Variants in TNR observed in about 807,000 individuals in gnomAD.
TNR encodes tenascin-R.
Under a neutral mutation model 150.4 loss-of-function variants are expected in TNR, and 45 were observed. The ratio of observed to expected loss-of-function variants is 0.30; its 90% CI spans 0.24 to 0.38. The LOEUF is 0.38. TNR is among the 10% of genes least tolerant of loss of function. TNR has a pLI of 1.00. For synonymous variants in TNR, 687 were observed against 678.4 expected, an observed-to-expected ratio of 1.01 and a Z score of -0.20; for missense variants, 1,544 against 1,759.1, an observed-to-expected ratio of 0.88 and a Z score of 2.19.
chr1:175,582,444 C>A (rs1036610760), intron 1 of TNR, among the ~76,000 whole-genome samples: 2 of 152,182 alleles, frequency 1.3e-5, no homozygotes, highest in African/African-American at 4.8e-5. Flanking sequence ...GACAGTTGCA[C>A]CATCACACAG....
rs549853878 is a variant in TNR at position 175,643,983 on chromosome 1, C to A, written c.-165+99243G>T. 2.0e-5 allele frequency among the ~76,000 whole-genome samples: 3 copies of A among 152,294 alleles called. No homozygotes were observed. In the East Asian group the frequency reaches 5.8e-4, roughly 29 times the overall value. ...AGGATTAAGTAACATTTCACAGATG[C>A]ATGGTAAATTACTAAACACCCTCTG... is the stretch of plus-strand genomic sequence containing the variant. On this transcript the variant is annotated intron_variant, in intron 1 of 22. Transcript: ENST00000367674.
intron 1 of TNR, among the ~76,000 whole-genome samples, chr1:175,651,084 C>CCT (rs1558055225): frequency 3.6e-4 from 5 of 14,048 alleles, no homozygotes; most frequent in East Asian, 3.1e-3. Flanking sequence ...TCATTACTCC[C>CCT]CCCCACCTCA....
At chr1:175,423,417 G>A (rs1654839782) in intron 2 of TNR, among the ~76,000 whole-genome samples, 1 of 152,112 alleles carries the variant, frequency 6.6e-6, no homozygotes, top group Admixed American at 6.5e-5. Flanking sequence ...ATCCCATGGT[G>A]GCATTTGTGG....
At chr1:175,405,571 G>C (rs1489521286) in intron 3 of TNR, among the ~76,000 whole-genome samples, 3 of 152,102 alleles carry the variant, frequency 2.0e-5, no homozygotes, top group Non-Finnish European at 2.9e-5. Context: ...TTGTGTGTGA[G>C]AGCATGCGTG....
chr1:175,443,569 A>G (rs1655891460), intron 2 of TNR, among the ~76,000 whole-genome samples: 1 of 152,176 alleles, frequency 6.6e-6, no homozygotes, highest in African/African-American at 2.4e-5. Context: ...AAGTTTTTAA[A>G]TAGCTTTGCT....
chr1:175,603,370 G>C (rs994336646), intron 1 of TNR, among the ~76,000 whole-genome samples: 2 of 152,122 alleles, frequency 1.3e-5, no homozygotes, highest in African/African-American at 2.4e-5. Flanking sequence ...AATAGTAAGG[G>C]GTCAGTAAGA....
At chr1:175,335,413 T>A (rs1650189410) in intron 20 of TNR, 1 of 278,894 alleles carries the variant, frequency 3.6e-6, no homozygotes, top group Admixed American at 5.0e-5. Context: ...TTGCTCCCTG[T>A]GCCCCTCACC....
intron 1 of TNR, among the ~76,000 whole-genome samples, chr1:175,613,257 C>T (rs1406699313): frequency 6.6e-6 from 1 of 152,126 alleles, no homozygotes; most frequent in Non-Finnish European, 1.5e-5. Flanking sequence ...TAGCTAGGTC[C>T]TATTTTGCTA....
rs144566222 is a variant in TNR at position 175,345,372 on chromosome 1, A to T, written c.3383-7693T>A. Among the ~76,000 whole-genome samples the T allele has an allele frequency of 6.2e-3, 950 of 152,334 alleles. 6 individuals are homozygous for T. The highest frequency in any genetic ancestry group is 0.022 in the African/African-American group (909 of 41,568). On this transcript the variant is annotated intron_variant, in intron 18 of 22. Transcript: ENST00000367674. ...TATCCATTCACTGAAGAGTAAGACT[A>T]CTGTGAAAGAAAGACCACAACCATT... is the stretch of plus-strand genomic sequence containing the variant.
chr1:175,647,818 C>A (rs1664851116), intron 1 of TNR, among the ~76,000 whole-genome samples: 1 of 151,970 alleles, frequency 6.6e-6, no homozygotes, highest in Non-Finnish European at 1.5e-5. Flanking sequence ...GGAAGATGAC[C>A]CCATCAGTTT....
chr1:175,396,862 C>T, intron 4 of TNR, 55 bp from the exon 5 acceptor site: 1 of 1,569,668 alleles, frequency 6.4e-7, no homozygotes, highest in Non-Finnish European at 8.7e-7. Context: ...CTTCCCCATC[C>T]TGGACTCAAC....
intron 1 of TNR, among the ~76,000 whole-genome samples, chr1:175,601,012 G>A (rs933037121): frequency 4.6e-5 from 7 of 152,234 alleles, no homozygotes; most frequent in Admixed American, 4.6e-4. Flanking sequence ...CTTTGCTGAG[G>A]AGATCAAATC....
chr1:175,578,665 T>C (rs1662217771), intron 1 of TNR, among the ~76,000 whole-genome samples: 3 of 152,200 alleles, frequency 2.0e-5, no homozygotes, highest in Non-Finnish European at 4.4e-5. Context: ...ATGGCTTCAG[T>C]GATGTGGCTT....
At chr1:175,526,898 C>A (rs1338691459) in intron 2 of TNR, among the ~76,000 whole-genome samples, 2 of 152,204 alleles carry the variant, frequency 1.3e-5, no homozygotes, top group African/African-American at 4.8e-5. Context: ...CTAATCTGGA[C>A]AAGCTATGTT....
chr1:175,620,055 A>G lies in TNR; in HGVS notation c.-164-91686T>C, dbSNP rs578135065. Among the ~76,000 whole-genome samples, 8 of 152,350 alleles carry G rather than the reference A, an allele frequency of 5.3e-5. No homozygotes were observed. In the South Asian group the frequency reaches 1.7e-3, roughly 32 times the overall value. ...AGGTAAAGTGCTGTGTAATTGTTAT[A>G]ATGCGTAATTTCACATAGATGCAGT... On this transcript the variant is annotated intron_variant, in intron 1 of 22. Coordinates refer to ENST00000367674, the MANE Select transcript of TNR (RefSeq NM_003285.3).
At position 175,337,602 on chromosome 1, in the gene TNR, T is replaced by G; in HGVS notation, c.3460A>C (p.Ile1154Leu). 1 of 1,614,172 alleles carries G rather than the reference T, an allele frequency of 6.2e-7. No homozygotes were observed. Among genetic ancestry groups the G allele is most frequent in the African/African-American group, 1.3e-5 (1 of 75,058 alleles). ...NGDTLSGVYP[I>L]FLNGELSQKL... ...TGGCTCAGCTCCCCATTGAGGAAGA[T>G]GGGGTAAACCCCACTCAAAGTGTCT... Residue 1154 changes from isoleucine to leucine, a missense_variant, in exon 19 of 23, where the codon ATC becomes CTC. Ile to Leu is a conservative substitution (Grantham distance 5). Around this residue, in one of 2 missense-constraint regions of TNR, gnomAD observed 290 missense variants for 429.7 expected, o/e 0.67. Coordinates refer to ENST00000367674, the MANE Select transcript of TNR (RefSeq NM_003285.3).
intron 1 of TNR, among the ~76,000 whole-genome samples, chr1:175,651,897 G>A (rs1665007714): frequency 6.6e-6 from 1 of 151,404 alleles, no homozygotes; most frequent in African/African-American, 2.4e-5. Context: ...AGAAAGGATA[G>A]TTTAACATCA....
intron 2 of TNR, among the ~76,000 whole-genome samples, chr1:175,488,201 G>A (rs528599320): frequency 1.3e-5 from 2 of 152,294 alleles, no homozygotes; most frequent in South Asian, 2.1e-4. Flanking sequence ...CATAAACCCC[G>A]GAAACATGCA....
chr1:175,709,301 A>T (rs928235512), intron 1 of TNR, among the ~76,000 whole-genome samples: 4 of 138,548 alleles, frequency 2.9e-5, no homozygotes, highest in Admixed American at 6.9e-5. Flanking sequence ...TTTCACACAC[A>T]CACACATACA....
Sources: allele counts gnomAD v4.1 joint callset (sites outside exome capture counted in the v4.1 genomes callset), GRCh38; gene constraint gnomAD v4.1.1; regional missense constraint gnomAD v4.1.1; transcripts MANE v1.5; gene names NCBI Gene and HGNC (gene_info 2026-07-23, HGNC 2026-07-21).